The following TOP1 variants were observed in gnomAD, a reference collection of about 807,000 sequenced individuals.
The protein encoded by TOP1 is DNA topoisomerase 1.
TOP1 carries 10 observed loss-of-function variants against 111.1 expected under a neutral mutation model. That is an observed-to-expected ratio of 0.09 (90% CI 0.06 to 0.15). TOP1 has a LOEUF of 0.15. TOP1 is among the 10% of genes least tolerant of loss of function. The pLI is 1.00. For synonymous variants in TOP1, 271 were observed against 302.9 expected, an observed-to-expected ratio of 0.89 and a Z score of 1.10; for missense variants, 474 against 926.7, an observed-to-expected ratio of 0.51 and a Z score of 6.34.
At chr20:41,063,367 T>C (rs2033569184) in intron 3 of TOP1, among the ~76,000 whole-genome samples, 2 of 152,234 alleles carry the variant, frequency 1.3e-5, no homozygotes, top group African/African-American at 4.8e-5. Context: ...TGATTCCATG[T>C]CTTCCCTATT....
chr20:41,076,855 C>T (rs570128673), intron 4 of TOP1, among the ~76,000 whole-genome samples: 1 of 152,354 alleles, frequency 6.6e-6, no homozygotes, highest in South Asian at 2.1e-4. Context: ...CCCTGACTCA[C>T]TGTCTCCCAT....
intron 2 of TOP1, among the ~76,000 whole-genome samples, chr20:41,057,650 A>T (rs145062215): frequency 6.6e-6 from 1 of 152,330 alleles, no homozygotes; most frequent in African/African-American, 2.4e-5. Flanking sequence ...TGACTACCCT[A>T]AGATAACTGC....
At chr20:41,066,811 C>T (rs1439971303) in intron 3 of TOP1, among the ~76,000 whole-genome samples, 1 of 152,134 alleles carries the variant, frequency 6.6e-6, no homozygotes, top group Non-Finnish European at 1.5e-5. Flanking sequence ...GCCTCGGCCT[C>T]CCAAAGTCTT....
intron 2 of TOP1, among the ~76,000 whole-genome samples, chr20:41,050,178 G>T (rs759690439): frequency 6.6e-6 from 1 of 152,062 alleles, no homozygotes; most frequent in Non-Finnish European, 1.5e-5. Flanking sequence ...CACCATGCCC[G>T]GCTAATTTTT....
chr20:41,079,350 T>C lies in TOP1; in HGVS notation c.336-735T>C, dbSNP rs2033763240. On this transcript the variant is annotated intron_variant, in intron 5 of 20. Transcript: ENST00000361337. This position sits in a 1 kb window ranked among gnomAD's most constrained non-coding sequence, Gnocchi z 4.0. ...GATTGCTGGGCTCTATGGTGTTTTT[T>C]ACTTGTTCCTTCTCTGTTTTGGTTC... Among the ~76,000 whole-genome samples the C allele has an allele frequency of 6.6e-6, 1 of 152,206 alleles. No individual in the cohort carries two copies.
chr20:41,041,437 C>CAT (rs2033262938), intron 2 of TOP1, among the ~76,000 whole-genome samples: 1 of 89,006 alleles, frequency 1.1e-5, no homozygotes, highest in African/African-American at 4.3e-5. Context: ...GACCCTGTCT[C>CAT]AAAAAAAAAA....
At chr20:41,066,704 G>A (rs569104951) in intron 3 of TOP1, among the ~76,000 whole-genome samples, 2 of 151,438 alleles carry the variant, frequency 1.3e-5, no homozygotes, top group East Asian at 2.0e-4. Flanking sequence ...ACAGGTGCCC[G>A]CCACCATGCC....
At position 41,123,018 on chromosome 20, in the gene TOP1, C is replaced by T. The variant is rs945450439; in HGVS notation, c.2196-177C>T. 4.6e-5 allele frequency among the ~76,000 whole-genome samples: 7 copies of T among 152,336 alleles called. No homozygotes were observed. Among genetic ancestry groups the T allele is most frequent in the Admixed American group, 4.6e-4 (7 of 15,304 alleles). ...GCAGAAGCACCTACTTTAGAGATCACTGCCAAGATTAAATGAGTTGATCAC... is the reference window on the plus strand; with the variant it reads ...GCAGAAGCACCTACTTTAGAGATCATTGCCAAGATTAAATGAGTTGATCAC... On this transcript the variant is annotated intron_variant, in intron 20 of 20. Coordinates refer to ENST00000361337, the MANE Select transcript of TOP1 (RefSeq NM_003286.4). This position sits in a 1 kb window ranked among gnomAD's most constrained non-coding sequence, Gnocchi z 5.8.
chr20:41,070,375 T>G (rs1265117454), intron 3 of TOP1, among the ~76,000 whole-genome samples: 1 of 152,188 alleles, frequency 6.6e-6, no homozygotes, highest in Non-Finnish European at 1.5e-5. Context: ...TTTTGATACT[T>G]CTATAATATA....
In TOP1 at chr20:41,034,683, T is replaced by C. The variant is rs2033162594; in HGVS notation, c.58+5228T>C. Among the ~76,000 whole-genome samples the C allele has an allele frequency of 1.3e-5, 2 of 152,222 alleles. No individual in the cohort carries two copies. The highest frequency in any genetic ancestry group is 4.1e-4 in the South Asian group (2 of 4,830). On this transcript the variant is annotated intron_variant, in intron 2 of 20. Coordinates refer to ENST00000361337, the MANE Select transcript of TOP1 (RefSeq NM_003286.4). The surrounding 1 kb of genome is among the most constrained non-coding windows in gnomAD (Gnocchi z 4.0). ...TGTGTATAGGAAAGATCCTAGATAT[T>C]TTTCACACTGGGAGAGAAGTGATGT...
Position 41,030,115 on chromosome 20 carries a change from G to T in TOP1, c.58+660G>T, listed in dbSNP as rs2033099671. ...GTGGAGTTCTTTATATTTCCAGGTT[G>T]TTTTTCCCAAGTTACGTTCTTTGCA... On this transcript the variant is annotated intron_variant, in intron 2 of 20. Transcript: ENST00000361337. This position sits in a 1 kb window ranked among gnomAD's most constrained non-coding sequence, Gnocchi z 4.1. Among the ~76,000 whole-genome samples, 2 of 151,882 alleles carry T rather than the reference G, an allele frequency of 1.3e-5. No homozygotes were observed. Among genetic ancestry groups the T allele is most frequent in the African/African-American group, 4.8e-5 (2 of 41,362 alleles).
chr20:41,033,984 A>T (rs2033153361), intron 2 of TOP1, among the ~76,000 whole-genome samples: 1 of 140,600 alleles, frequency 7.1e-6, no homozygotes, highest in Non-Finnish European at 1.5e-5. Context: ...CTGGAGGTTT[A>T]AAAAAAAAAA....
intron 2 of TOP1, among the ~76,000 whole-genome samples, chr20:41,043,700 A>G (rs1051263624): frequency 6.6e-6 from 1 of 152,192 alleles, no homozygotes; most frequent in Non-Finnish European, 1.5e-5. Context: ...GCCCCTGACC[A>G]TTGGAAACAA....
chr20:41,096,501 T>G (rs1016925737), intron 9 of TOP1, among the ~76,000 whole-genome samples: 2 of 152,200 alleles, frequency 1.3e-5, no homozygotes, highest in Non-Finnish European at 2.9e-5. Context: ...TGTCGCAAAC[T>G]CTAGTGTGCA....
At chr20:41,043,657 G>A (rs1274128041) in intron 2 of TOP1, among the ~76,000 whole-genome samples, 2 of 152,062 alleles carry the variant, frequency 1.3e-5, no homozygotes, top group East Asian at 3.9e-4. Context: ...AGTCTTTATG[G>A]CCAGACAAAG....
At chr20:41,052,328 T>C (rs1360563775) in intron 2 of TOP1, among the ~76,000 whole-genome samples, 1 of 152,232 alleles carries the variant, frequency 6.6e-6, no homozygotes, top group African/African-American at 2.4e-5. Flanking sequence ...TCATGGTCTT[T>C]TGTGCTCATC....
rs1465034126 is a variant in TOP1, at chr20:41,121,547, C to T, written c.1951-149C>T. 1 of 690,776 alleles carries T rather than the reference C, an allele frequency of 1.4e-6. No individual in the cohort carries two copies. The highest frequency in any genetic ancestry group is 2.6e-6 in the Non-Finnish European group (1 of 384,438). The allele number at this position is 690,776 out of a possible 1,614,324, so 42.8% of individuals were successfully genotyped here. Reference sequence around the variant, plus strand: ...TTCACTAGTCCTTGTGCATCTTCTCCCTGCCTTCATGAAGCCACCCTTGTT... The same window carrying T: ...TTCACTAGTCCTTGTGCATCTTCTCTCTGCCTTCATGAAGCCACCCTTGTT... On this transcript the variant is annotated intron_variant, in intron 18 of 20. Coordinates refer to ENST00000361337, the MANE Select transcript of TOP1 (RefSeq NM_003286.4). This position sits in a 1 kb window ranked among gnomAD's most constrained non-coding sequence, Gnocchi z 4.2.
chr20:41,090,476 C>G lies in TOP1; in HGVS notation c.615-1996C>G, dbSNP rs60522547. Among the ~76,000 whole-genome samples the G allele has an allele frequency of 9.8e-3, 1,499 of 152,232 alleles. 22 individuals are homozygous for G. The highest frequency in any genetic ancestry group is 0.034 in the African/African-American group (1,427 of 41,548). On this transcript the variant is annotated intron_variant, in intron 8 of 20. Coordinates refer to ENST00000361337, the MANE Select transcript of TOP1 (RefSeq NM_003286.4). The stretch of plus-strand genomic sequence containing the variant: ...CACTCTCTTGAAGTGTCCTTTGATG[C>G]ACAGAAGTTTTTAAGTTCAGTGAAG...
At chr20:41,057,885 A>G (rs2033493589) in intron 2 of TOP1, among the ~76,000 whole-genome samples, 1 of 152,184 alleles carries the variant, frequency 6.6e-6, no homozygotes, top group East Asian at 1.9e-4. Context: ...ATGTATTGTC[A>G]TTATTATGAT....
Sources: gnomAD v4.1 joint callset for allele counts (sites outside exome capture counted in the v4.1 genomes callset) on GRCh38, gnomAD v4.1.1 for gene constraint, Gnocchi (gnomAD v3.1) non-coding constraint, MANE v1.5 for transcripts, NCBI Gene and HGNC (gene_info 2026-07-23, HGNC 2026-07-21) for gene names.